PACRG: variants seen among roughly 807,000 people sequenced by gnomAD.
PACRG encodes the protein parkin coregulated gene protein.
Under a neutral mutation model 29.7 loss-of-function variants are expected in PACRG, and 29 were observed. The ratio of observed to expected loss-of-function variants is 0.98; its 90% CI spans 0.73 to 1.33. The LOEUF is 1.33. Ranked by LOEUF, PACRG falls within the 40% of genes most tolerant of loss-of-function variation. The pLI is 0.00. For missense variants in PACRG, 279 were observed against 316.2 expected (o/e 0.88, Z 0.89); for synonymous variants, 116 against 118.7 (o/e 0.98, Z 0.15).
upstream of PACRG, chr6:162,727,593 G>T: frequency 6.7e-7 from 1 of 1,502,634 alleles, no homozygotes; most frequent in East Asian, 2.4e-5. Flanking sequence ...GTCGGCCGAG[G>T]CGGGGCGTGG....
In PACRG at chr6:163,201,922, C is replaced by A. The variant is rs201163011; in HGVS notation, c.613+112514C>A. ...CTCACACGGTGGTGGCCAACCTCGACGTTAGATTTGGGGGAAGTTCAGAGG... is the reference window on the plus strand; with the variant it reads ...CTCACACGGTGGTGGCCAACCTCGAAGTTAGATTTGGGGGAAGTTCAGAGG... On this transcript the variant is annotated intron_variant, in intron 4 of 4. Transcript: ENST00000366888. 7.9e-5 allele frequency among the ~76,000 whole-genome samples: 12 copies of A among 152,234 alleles called. 3 individuals carry two copies. The highest frequency in any genetic ancestry group is 2.6e-4 in the African/African-American group (11 of 41,536).
At chr6:163,054,311 CAG>C (rs1237079326) in intron 2 of PACRG, 1 of 152,222 alleles carries the variant, frequency 6.6e-6, no homozygotes, top group Admixed American at 6.5e-5. Flanking sequence ...CGCATGCACA[CAG>C]AGGAAGGGCC....
rs1750112079 is a variant in PACRG, at chr6:163,055,665, T to G, written c.292-6485T>G. On this transcript the variant is annotated intron_variant, in intron 2 of 4. Transcript: ENST00000366888. The surrounding 1 kb of genome is among the most constrained non-coding windows in gnomAD (Gnocchi z 4.0). ...GTTATTTGTTTTTTATTGTTTTATT[T>G]TTTCTTTGGCATTTTTATCATTGTA... Among the ~76,000 whole-genome samples, 1 of 152,192 alleles carries G rather than the reference T, an allele frequency of 6.6e-6. No homozygotes were observed. Among genetic ancestry groups the G allele is most frequent in the Non-Finnish European group, 1.5e-5 (1 of 68,040 alleles).
At chr6:163,149,711 C>A (rs945009343) in intron 4 of PACRG, among the ~76,000 whole-genome samples, 6 of 152,102 alleles carry the variant, frequency 3.9e-5, no homozygotes, top group Non-Finnish European at 8.8e-5. Flanking sequence ...CAACCCAACA[C>A]CTGTGAGCTC....
intron 1 of PACRG, among the ~76,000 whole-genome samples, chr6:162,763,105 T>C (rs571417002): frequency 5.6e-4 from 86 of 152,314 alleles, no homozygotes; most frequent in Admixed American, 1.4e-3. Context: ...GACTTTCAAA[T>C]TTACAATATC....
At chr6:163,090,771 G>T (rs375990267) in intron 4 of PACRG, among the ~76,000 whole-genome samples, 3 of 152,160 alleles carry the variant, frequency 2.0e-5, no homozygotes, top group African/African-American at 7.2e-5. Context: ...ACTTGAGGGA[G>T]ATAGAGATAA....
chr6:163,218,240 A>T (rs987549905), intron 4 of PACRG, among the ~76,000 whole-genome samples: 1 of 152,202 alleles, frequency 6.6e-6, no homozygotes, highest in Non-Finnish European at 1.5e-5. Context: ...CCCTCCTCGT[A>T]TGATGGATAC....
intron 4 of PACRG, among the ~76,000 whole-genome samples, chr6:163,109,815 C>G (rs941782874): frequency 6.6e-6 from 1 of 152,202 alleles, no homozygotes; most frequent in Non-Finnish European, 1.5e-5. Context: ...ATGACTCTTT[C>G]TGTGGTACTA....
intron 3 of PACRG, among the ~76,000 whole-genome samples, chr6:163,071,445 G>A (rs1235552015): frequency 6.6e-6 from 1 of 152,036 alleles, no homozygotes; most frequent in Non-Finnish European, 1.5e-5. Flanking sequence ...ATGACCTGTG[G>A]ATCACTGAAG....
At chr6:163,134,924 C>T (rs993833364) in intron 4 of PACRG, among the ~76,000 whole-genome samples, 1 of 152,176 alleles carries the variant, frequency 6.6e-6, no homozygotes, top group African/African-American at 2.4e-5. Context: ...ACCGACACCA[C>T]CTGTGGACCC....
chr6:162,753,970 A>T (rs1404401556), intron 1 of PACRG, among the ~76,000 whole-genome samples: 2 of 152,206 alleles, frequency 1.3e-5, no homozygotes, highest in Non-Finnish European at 2.9e-5. Context: ...TCTCTTTGAC[A>T]TATTGATTTC....
intron 4 of PACRG, among the ~76,000 whole-genome samples, chr6:163,212,811 G>T (rs148438362): frequency 4.7e-5 from 7 of 148,508 alleles, no homozygotes; most frequent in African/African-American, 1.7e-4. Flanking sequence ...ACGGAGTCTC[G>T]CTCATCGCCC....
At chr6:163,291,206 C>T (rs1784592386) in intron 4 of PACRG, among the ~76,000 whole-genome samples, 1 of 143,888 alleles carries the variant, frequency 6.9e-6, no homozygotes, top group Non-Finnish European at 1.5e-5. Context: ...TGCGGGTCAC[C>T]CTGCAAGATG....
At chr6:163,014,313 G>A (rs1385800846) in intron 2 of PACRG, among the ~76,000 whole-genome samples, 2 of 152,100 alleles carry the variant, frequency 1.3e-5, no homozygotes, top group African/African-American at 4.8e-5. Flanking sequence ...GCTGCAATAA[G>A]CATGTGACTG....
rs141515354 is a variant in PACRG at position 162,925,594 on chromosome 6, A to G, written c.291+111313A>G. Among the ~76,000 whole-genome samples, 18 of 152,196 alleles carry G rather than the reference A, an allele frequency of 1.2e-4. No homozygotes were observed. The East Asian group carries it at 3.1e-3, about 26-fold the overall frequency. On this transcript the variant is annotated intron_variant, in intron 2 of 4. Transcript: ENST00000366888. ...TATCTCAATAGATGCAAAGTCCTTC[A>G]ATAAAATTCAACATCCTTTCATGTT... is the stretch of plus-strand genomic sequence containing the variant.
intron 2 of PACRG, among the ~76,000 whole-genome samples, chr6:162,997,125 A>G (rs1804138153): frequency 1.3e-5 from 2 of 152,252 alleles, no homozygotes; most frequent in African/African-American, 4.8e-5. Flanking sequence ...TTTGATAAAG[A>G]TAAAACTTGA....
intron 4 of PACRG, among the ~76,000 whole-genome samples, chr6:163,130,412 T>C (rs1383058675): frequency 1.3e-5 from 2 of 152,230 alleles, no homozygotes; most frequent in African/African-American, 2.4e-5. Context: ...TTCCCCACTT[T>C]GCCCTTCCTA....
At chr6:163,211,647 A>C (rs1357046592) in intron 4 of PACRG, among the ~76,000 whole-genome samples, 1 of 152,308 alleles carries the variant, frequency 6.6e-6, no homozygotes, top group East Asian at 1.9e-4. Context: ...AAAACATTCT[A>C]CTTAATATGG....
chr6:162,778,055 G>A (rs181563431), intron 1 of PACRG, among the ~76,000 whole-genome samples: 3 of 152,270 alleles, frequency 2.0e-5, no homozygotes, highest in Admixed American at 1.3e-4. Flanking sequence ...TGTAAAATAC[G>A]CATTTGCAAC....
Sources: gnomAD v4.1 joint callset for allele counts (sites outside exome capture counted in the v4.1 genomes callset) on GRCh38, gnomAD v4.1.1 for gene constraint, Gnocchi (gnomAD v3.1) non-coding constraint, MANE v1.5 for transcripts, NCBI Gene and HGNC (gene_info 2026-07-23, HGNC 2026-07-21) for gene names.